Variants in FLT3 observed in about 807,000 individuals in gnomAD.
FLT3 encodes the protein receptor-type tyrosine-protein kinase FLT3.
A neutral mutation model predicts 126.6 loss-of-function variants in FLT3; 46 were observed. That is an observed-to-expected ratio of 0.36 (90% CI 0.29 to 0.46). The LOEUF (loss-of-function observed/expected upper bound fraction) is 0.46. FLT3 is among the 20% of genes least tolerant of loss of function. The pLI, the probability that FLT3 is intolerant of heterozygous loss-of-function variation, is 1.00. For synonymous variants in FLT3, 404 were observed against 434.4 expected (o/e 0.93, Z 0.87); for missense variants, 1,069 against 1,190.3 (o/e 0.90, Z 1.50).
At chr13:28,006,306 TTGTGTGTGTG>T (rs4002773) in intron 23 of FLT3, among the ~76,000 whole-genome samples, 20 of 147,092 alleles carry the variant, frequency 1.4e-4, no homozygotes, top group South Asian at 2.2e-4. Context: ...TTCTAGAAAA[TTGTGTGTGTG>T]TGTGTGTGTG....
intron 15 of FLT3, among the ~76,000 whole-genome samples, chr13:28,031,840 G>A (rs1873377598): frequency 6.6e-6 from 1 of 152,186 alleles, no homozygotes; most frequent in Non-Finnish European, 1.5e-5. Context: ...TGGAGGAAAT[G>A]TGAAGTAGGA....
chr13:28,007,923 CCT>C (rs1397417699), intron 23 of FLT3, among the ~76,000 whole-genome samples: 2 of 152,136 alleles, frequency 1.3e-5, no homozygotes, highest in African/African-American at 4.8e-5. Context: ...GTTGCTACTT[CCT>C]CTGTGTCATT....
intron 1 of FLT3, among the ~76,000 whole-genome samples, chr13:28,095,932 GA>G (rs1879423807): frequency 6.6e-6 from 1 of 152,176 alleles, no homozygotes; most frequent in African/African-American, 2.4e-5. Context: ...GAATGATTTG[GA>G]AAAGTGCTTC....
chr13:28,073,147 C>G (rs1458513880), intron 1 of FLT3, among the ~76,000 whole-genome samples: 2 of 151,714 alleles, frequency 1.3e-5, no homozygotes, highest in Non-Finnish European at 2.9e-5. Context: ...TTGAGACCAG[C>G]CTGGGCAACC....
Position 28,049,717 on chromosome 13 carries a change from G to T in FLT3, c.800C>A (p.Pro267His). The change falls in exon 7 of 24, where the codon CCC (proline) becomes CAC (histidine). Residue 267 changes from proline (P) to histidine (H), a missense_variant. Pro to His is a moderately conservative substitution (Grantham distance 77, BLOSUM62 -2). Coordinates refer to ENST00000241453, the MANE Select transcript of FLT3 (RefSeq NM_004119.3). ...AACAGCTTTGCACCTTATCCATAAG[G>T]GTTCCCCTACTTTAAGAAATAATTG... is the stretch of plus-strand genomic sequence containing the variant. ...LPQLFLKVGE[P>H]LWIRCKAVHV... 1 of 1,614,006 alleles carries T rather than the reference G, an allele frequency of 6.2e-7. No individual in the cohort carries two copies. Among genetic ancestry groups the T allele is most frequent in the South Asian group, 1.1e-5 (1 of 91,066 alleles).
At chr13:28,059,043 A>T (rs930058917) in intron 3 of FLT3, among the ~76,000 whole-genome samples, 31 of 152,178 alleles carry the variant, frequency 2.0e-4, no homozygotes, top group Non-Finnish European at 1.5e-4. Context: ...TGCAGCCAAA[A>T]AACAAGAAGT....
At chr13:28,099,471 T>A (rs1410407523) in intron 1 of FLT3, among the ~76,000 whole-genome samples, 2 of 152,246 alleles carry the variant, frequency 1.3e-5, no homozygotes, top group Non-Finnish European at 2.9e-5. Context: ...CACTTCTATA[T>A]TGCAAGCATT....
intron 9 of FLT3, among the ~76,000 whole-genome samples, chr13:28,039,130 C>A (rs1290836353): frequency 6.6e-6 from 1 of 152,116 alleles, no homozygotes; most frequent in Non-Finnish European, 1.5e-5. Context: ...GACGGGAAGT[C>A]ATAGGGCTGC....
At chr13:28,034,478 A>C (rs1035374596) in intron 12 of FLT3, 71 bp from the exon 13 acceptor site, 2 of 1,080,096 alleles carry the variant, frequency 1.9e-6, no homozygotes, top group Non-Finnish European at 2.8e-6. Context: ...TGGACAACTC[A>C]TTATAATCTC....
chr13:28,053,584 G>T (rs894903434), intron 4 of FLT3, among the ~76,000 whole-genome samples: 1 of 151,718 alleles, frequency 6.6e-6, no homozygotes, highest in Non-Finnish European at 1.5e-5. Context: ...TTGATTATTC[G>T]AGGACTCTTC....
At chr13:28,014,363 G>C (rs776587626) in intron 23 of FLT3, 89 bp downstream of exon 23, 6 of 923,822 alleles carry the variant, frequency 6.5e-6, no homozygotes, top group African/African-American at 3.3e-5. Context: ...TGACAACTTG[G>C]TACCTTTGGT....
intron 2 of FLT3, among the ~76,000 whole-genome samples, chr13:28,068,587 C>T (rs1877235836): frequency 6.6e-6 from 1 of 152,060 alleles, no homozygotes; most frequent in Non-Finnish European, 1.5e-5. Context: ...CCTGTAATCC[C>T]AACACTTTGG....
chr13:28,070,945 T>TTG (rs774618098), intron 1 of FLT3, among the ~76,000 whole-genome samples: 163 of 149,888 alleles, frequency 1.1e-3, no homozygotes, highest in South Asian at 4.0e-3. Context: ...TATACATGAT[T>TTG]TGTGTGTGTG....
chr13:28,046,090 T>A (rs1191585112), intron 9 of FLT3, among the ~76,000 whole-genome samples: 2 of 152,104 alleles, frequency 1.3e-5, no homozygotes. Context: ...CACAGGACAG[T>A]CCTTCACAAC....
At position 28,100,513 on chromosome 13, in the gene FLT3, C is replaced by G; in HGVS notation, c.-3G>C. ...CCGTCGCGCGCCAACGCCGGCATGGCCTCCGGAGCCCGGGGTCCCCAGGCC... is the reference window on the plus strand; with the variant it reads ...CCGTCGCGCGCCAACGCCGGCATGGGCTCCGGAGCCCGGGGTCCCCAGGCC... On this transcript the variant is annotated 5_prime_UTR_variant, in exon 1 of 24. Coordinates refer to ENST00000241453, the MANE Select transcript of FLT3 (RefSeq NM_004119.3). The surrounding 1 kb of genome is among the most constrained non-coding windows in gnomAD (Gnocchi z 4.8). 2 of 1,215,010 alleles carry G rather than the reference C, an allele frequency of 1.6e-6. No individual in the cohort carries two copies. Among genetic ancestry groups the G allele is most frequent in the Non-Finnish European group, 2.0e-6 (2 of 977,122 alleles). 75.3% of individuals were successfully genotyped at this position (1,215,010 alleles called of 1,614,324 possible).
intron 18 of FLT3, among the ~76,000 whole-genome samples, chr13:28,023,744 C>A (rs1291054734): frequency 6.6e-6 from 1 of 151,936 alleles, no homozygotes; most frequent in African/African-American, 2.4e-5. Flanking sequence ...AGATACTTCT[C>A]TTTTGCACTA....
In FLT3 at chr13:28,033,925, GT is replaced by G. The variant is rs1873586197; in HGVS notation, c.1903del (p.Thr635GlnfsTer12). ...GACGGCAACCTGGATTGAGACTCCT[GT>G]TTTGCTAATTCCATAAGCTGTTGCG... Reference protein sequence around the residue: ...MNATAYGISKTGVSIQVAVKM... With the variant: ...MNATAYGISKXGVSIQVAVKM... On this transcript the variant is annotated frameshift_variant, in exon 15 of 24. Coordinates refer to ENST00000241453, the MANE Select transcript of FLT3 (RefSeq NM_004119.3). LOFTEE classifies it high-confidence loss of function. The G allele has an allele frequency of 6.2e-7, 1 of 1,614,056 alleles. No homozygotes were observed. Among genetic ancestry groups the G allele is most frequent in the African/African-American group, 1.3e-5 (1 of 74,938 alleles).
chr13:28,075,757 T>C (rs1877886389), intron 1 of FLT3, among the ~76,000 whole-genome samples: 1 of 151,476 alleles, frequency 6.6e-6, no homozygotes, highest in African/African-American at 2.4e-5. Context: ...ACTTCATGTA[T>C]TTATTTTTTC....
chr13:28,080,318 G>A (rs966348471), intron 1 of FLT3, among the ~76,000 whole-genome samples: 8 of 152,262 alleles, frequency 5.3e-5, no homozygotes, highest in African/African-American at 1.2e-4. Flanking sequence ...GGAGATTGCA[G>A]TTGGTGGAGA....
Sources: allele counts gnomAD v4.1 joint callset (sites outside exome capture counted in the v4.1 genomes callset), GRCh38; gene constraint gnomAD v4.1.1; non-coding constraint Gnocchi (gnomAD v3.1); transcripts MANE v1.5; gene names NCBI Gene and HGNC (gene_info 2026-07-23, HGNC 2026-07-21).